TMEM144: variants seen among roughly 807,000 people sequenced by gnomAD.
TMEM144 encodes the protein transmembrane protein 144.
In TMEM144, 39 loss-of-function variants were observed where a neutral mutation model predicts 43.6. The observed-to-expected ratio is 0.90, with a 90% confidence interval of 0.69 to 1.17. The LOEUF (loss-of-function observed/expected upper bound fraction) is 1.17. TMEM144 is among the 50% of genes most tolerant of loss of function. The pLI is 0.00. For synonymous variants in TMEM144, 154 were observed against 133.6 expected (o/e 1.15, Z -1.06); for missense variants, 417 against 411.9 (o/e 1.01, Z -0.11).
At chr4:158,237,735 C>T (rs1025238509) in intron 9 of TMEM144, 92 bp downstream of exon 9, 16 of 884,258 alleles carry the variant, frequency 1.8e-5, no homozygotes, top group East Asian at 1.6e-4. Flanking sequence ...TGGGTCGATT[C>T]GATCTTTCTT....
chr4:158,226,142 GTTTGT>G (rs1423790599), intron 6 of TMEM144, among the ~76,000 whole-genome samples: 2 of 152,200 alleles, frequency 1.3e-5, no homozygotes, highest in South Asian at 2.1e-4. Flanking sequence ...AATTGCTAAA[GTTTGT>G]TTTAAGTCTT....
intron 2 of TMEM144, chr4:158,211,897 G>C (rs943246310): frequency 1.2e-4 from 18 of 152,142 alleles, no homozygotes; most frequent in African/African-American, 4.3e-4. Flanking sequence ...GAACACATAA[G>C]GAACAATACA....
intron 5 of TMEM144, 81 bp downstream of exon 5, chr4:158,217,501 C>A: frequency 1.0e-6 from 1 of 990,872 alleles, no homozygotes; most frequent in Non-Finnish European, 1.6e-6. Flanking sequence ...AGAGGAATAA[C>A]ATATGATTCT....
intron 11 of TMEM144, 125 bp from the exon 12 acceptor site, chr4:158,244,171 A>T: frequency 2.0e-6 from 1 of 511,630 alleles, no homozygotes; most frequent in East Asian, 3.9e-5. Flanking sequence ...GTGTGGAGTT[A>T]GGGTTGATAT....
chr4:158,245,411 T>C (rs903537971), intron 12 of TMEM144, among the ~76,000 whole-genome samples: 4 of 150,192 alleles, frequency 2.7e-5, no homozygotes, highest in African/African-American at 9.8e-5. Context: ...AAAGGTACAG[T>C]CTCAAGAGTC....
chr4:158,217,341 A>G lies in TMEM144; in HGVS notation c.253A>G (p.Ile85Val), dbSNP rs760871628. The G allele has an allele frequency of 3.7e-5, 59 of 1,612,694 alleles. No individual in the cohort carries two copies. The highest frequency in any genetic ancestry group is 1.1e-4 in the East Asian group (5 of 44,804). ...TACAGGGAACATTGCTGTTGTCCCA[A>G]TTATCAAAACCATTGGTTTAGGCCT... ...WATGNIAVVP[I>V]IKTIGLGLGI... Residue 85 changes from isoleucine to valine, a missense_variant, in exon 5 of 13, where the codon ATT becomes GTT. Transcript: ENST00000296529.
At chr4:158,233,700 T>C (rs1579129047) in intron 7 of TMEM144, 1 of 152,340 alleles carries the variant, frequency 6.6e-6, no homozygotes, top group Admixed American at 6.5e-5. Context: ...TCACCCCCAG[T>C]GGGGTATTGC....
intron 4 of TMEM144, among the ~76,000 whole-genome samples, chr4:158,216,800 C>T (rs1285299597): frequency 1.3e-5 from 2 of 151,524 alleles, no homozygotes; most frequent in African/African-American, 4.9e-5. Flanking sequence ...AAGAGGTAAC[C>T]TTTTAAGAAG....
intron 7 of TMEM144, 25 bp from the exon 8 acceptor site, chr4:158,235,413 T>TA: frequency 6.2e-7 from 1 of 1,611,202 alleles, no homozygotes; most frequent in Non-Finnish European, 8.5e-7. Flanking sequence ...TCTTTTGTTT[T>TA]AATTTGGGCC....
intron 12 of TMEM144, 52 bp downstream of exon 12, chr4:158,244,401 G>T: frequency 2.7e-6 from 4 of 1,491,876 alleles, no homozygotes; most frequent in Non-Finnish European, 2.8e-6. Context: ...TAGGCCGGGC[G>T]TGGTGGCTCA....
At chr4:158,238,278 T>C (rs1376937230) in intron 9 of TMEM144, among the ~76,000 whole-genome samples, 1 of 152,162 alleles carries the variant, frequency 6.6e-6, no homozygotes, top group African/African-American at 2.4e-5. Context: ...AAAATAAAGT[T>C]CTAAATCAGA....
intron 10 of TMEM144, among the ~76,000 whole-genome samples, chr4:158,240,729 C>T (rs1323669921): frequency 6.6e-6 from 1 of 152,296 alleles, no homozygotes; most frequent in Non-Finnish European, 1.5e-5. Context: ...TATTGATCAT[C>T]ATTCTTTACT....
At chr4:158,248,350 T>C (rs533579896) in intron 12 of TMEM144, among the ~76,000 whole-genome samples, 3 of 152,278 alleles carry the variant, frequency 2.0e-5, no homozygotes, top group African/African-American at 7.2e-5. Context: ...GAAGATGGCT[T>C]GAACCTGGAA....
intron 3 of TMEM144, chr4:158,213,168 T>A: frequency 3.1e-5 from 8 of 257,362 alleles, no homozygotes; most frequent in South Asian, 2.7e-4. Context: ...GAGAAACCTC[T>A]AGATAGGCAC....
At chr4:158,222,911 G>A (rs908480049) in intron 6 of TMEM144, among the ~76,000 whole-genome samples, 5 of 152,178 alleles carry the variant, frequency 3.3e-5, no homozygotes, top group African/African-American at 1.2e-4. Flanking sequence ...GCCTTTGACG[G>A]CATTCATAGA....
chr4:158,237,271 T>A (rs764605438), intron 8 of TMEM144: 5 of 365,492 alleles, frequency 1.4e-5, no homozygotes, highest in Non-Finnish European at 2.5e-5. Flanking sequence ...ATAATTATAA[T>A]CCATTTTAAT....
chr4:158,225,831 G>C (rs1411222838), intron 6 of TMEM144, among the ~76,000 whole-genome samples: 1 of 152,252 alleles, frequency 6.6e-6, no homozygotes, highest in East Asian at 1.9e-4. Context: ...GAGACACGAA[G>C]TGAATTTAGT....
At chr4:158,247,544 G>T (rs1284811690) in intron 12 of TMEM144, among the ~76,000 whole-genome samples, 2 of 151,942 alleles carry the variant, frequency 1.3e-5, no homozygotes, top group Non-Finnish European at 2.9e-5. Context: ...AGATCATTTA[G>T]TAAGGCTTGA....
At chr4:158,250,210 A>ATATATT (rs1414424515) in intron 12 of TMEM144, among the ~76,000 whole-genome samples, 1 of 84,536 alleles carries the variant, frequency 1.2e-5, no homozygotes, top group Non-Finnish European at 2.4e-5. Flanking sequence ...ATATATATAT[A>ATATATT]TATATATATA....
Sources: allele counts gnomAD v4.1 joint callset (sites outside exome capture counted in the v4.1 genomes callset), GRCh38; gene constraint gnomAD v4.1.1; transcripts MANE v1.5; gene names NCBI Gene and HGNC (gene_info 2026-07-23, HGNC 2026-07-21).